The following CAMTA1 variants were observed in gnomAD, a reference collection of about 807,000 sequenced individuals.
CAMTA1 encodes calmodulin-binding transcription activator 1.
Under a neutral mutation model 170.9 loss-of-function variants are expected in CAMTA1, and 27 were observed. The observed-to-expected ratio is 0.16, with a 90% CI of 0.12 to 0.22. The LOEUF (loss-of-function observed/expected upper bound fraction) is 0.22, where lower values mean the gene tolerates loss of function less well. Ranked by LOEUF, CAMTA1 falls within the 10% of genes least tolerant of loss-of-function variation. The pLI is 1.00. For synonymous variants in CAMTA1, 833 were observed against 891.5 expected (o/e 0.93, Z 1.17); for missense variants, 1,619 against 2,217.2 (o/e 0.73, Z 5.42).
At chr1:6,793,945 G>A (rs746254167) in intron 1 of CAMTA1, among the ~76,000 whole-genome samples, 22 of 152,114 alleles carry the variant, frequency 1.4e-4, no homozygotes, top group Non-Finnish European at 3.1e-4. Flanking sequence ...CAAATCATTT[G>A]GGAGTGATAA....
chr1:7,170,034 G>A (rs1016631168), intron 4 of CAMTA1, among the ~76,000 whole-genome samples: 7 of 151,964 alleles, frequency 4.6e-5, no homozygotes, highest in Non-Finnish European at 8.8e-5. Context: ...TGTGAATTCC[G>A]TTTTTATGCT....
intron 4 of CAMTA1, among the ~76,000 whole-genome samples, chr1:7,214,864 T>TTC (rs111845188): frequency 0.64 from 97,167 of 150,712 alleles, 32,147 homozygotes; most frequent in African/African-American, 0.79. Context: ...TCTTTCTTTT[T>TTC]TTTTTTTTTG....
intron 5 of CAMTA1, among the ~76,000 whole-genome samples, chr1:7,266,981 G>A (rs1206152915): frequency 6.6e-6 from 1 of 152,162 alleles, no homozygotes; most frequent in African/African-American, 2.4e-5. Flanking sequence ...GCCACTGATG[G>A]GATCGTAGCA....
intron 1 of CAMTA1, among the ~76,000 whole-genome samples, chr1:6,797,773 G>T (rs934285700): frequency 5.3e-5 from 8 of 151,918 alleles, no homozygotes; most frequent in African/African-American, 1.9e-4. Context: ...GTTCCTTTAG[G>T]TTAAACTAAA....
chr1:7,485,557 C>T (rs1457589472), intron 6 of CAMTA1, among the ~76,000 whole-genome samples: 1 of 152,212 alleles, frequency 6.6e-6, no homozygotes, highest in Non-Finnish European at 1.5e-5. Context: ...TTGGGGCTGA[C>T]GTTCCTTGCC....
chr1:7,262,665 C>T (rs188070287), intron 5 of CAMTA1, among the ~76,000 whole-genome samples: 1 of 152,336 alleles, frequency 6.6e-6, no homozygotes, highest in Non-Finnish European at 1.5e-5. Context: ...TCTCATCAAA[C>T]TCATTTCCCC....
At chr1:7,630,680 C>CA (rs1224539954) in intron 6 of CAMTA1, among the ~76,000 whole-genome samples, 1 of 152,234 alleles carries the variant, frequency 6.6e-6, no homozygotes, top group Non-Finnish European at 1.5e-5. Flanking sequence ...GTAATGAGGG[C>CA]AGCCATGGGA....
chr1:7,173,039 G>T lies in CAMTA1; in HGVS notation c.303-76452G>T, dbSNP rs1180158071. Among the ~76,000 whole-genome samples, 4 of 152,240 alleles carry T rather than the reference G, an allele frequency of 2.6e-5. No individual in the cohort carries two copies. Among genetic ancestry groups the T allele is most frequent in the Non-Finnish European group, 5.9e-5 (4 of 68,048 alleles). On this transcript the variant is annotated intron_variant, in intron 4 of 22. Coordinates refer to ENST00000303635, the MANE Select transcript of CAMTA1 (RefSeq NM_015215.4). The surrounding 1 kb of genome is among the most constrained non-coding windows in gnomAD (Gnocchi z 5.4). ...CATCCCGTGCTGGAGCGTGGCTGGG[G>T]ACAGGCTGTGCGGGAGGCGCAGGGG...
chr1:6,991,273 G>T (rs1053097571), intron 3 of CAMTA1, among the ~76,000 whole-genome samples: 1 of 152,032 alleles, frequency 6.6e-6, no homozygotes, highest in Non-Finnish European at 1.5e-5. Flanking sequence ...GAATTGTTGG[G>T]TGCTGTGTTT....
At chr1:7,695,648 G>A (rs1289705860) in intron 11 of CAMTA1, among the ~76,000 whole-genome samples, 1 of 152,156 alleles carries the variant, frequency 6.6e-6, no homozygotes, top group Non-Finnish European at 1.5e-5. Flanking sequence ...AGCCAGTGAG[G>A]TGCTGGCCTG....
chr1:7,353,869 T>C (rs1360065368), intron 5 of CAMTA1, among the ~76,000 whole-genome samples: 2 of 152,172 alleles, frequency 1.3e-5, no homozygotes, highest in Non-Finnish European at 2.9e-5. Context: ...GTAGTGAGCA[T>C]AGTACCTAAT....
chr1:7,118,995 GA>G (rs899761935), intron 4 of CAMTA1, among the ~76,000 whole-genome samples: 1 of 152,196 alleles, frequency 6.6e-6, no homozygotes, highest in Non-Finnish European at 1.5e-5. Context: ...TGTGGGATGA[GA>G]AATAATTTGC....
chr1:7,412,712 TC>T (rs1248387137), intron 5 of CAMTA1, among the ~76,000 whole-genome samples: 1 of 152,086 alleles, frequency 6.6e-6, no homozygotes, highest in Admixed American at 6.5e-5. Flanking sequence ...GGTTGCCTGT[TC>T]ACTCTGATGG....
At chr1:7,198,001 C>T (rs1484633616) in intron 4 of CAMTA1, among the ~76,000 whole-genome samples, 1 of 152,028 alleles carries the variant, frequency 6.6e-6, no homozygotes, top group Non-Finnish European at 1.5e-5. Flanking sequence ...GATGCTCTCT[C>T]AGCTGCCCAC....
rs147660104 is a variant in CAMTA1, at chr1:7,037,393, C to T, written c.235-53911C>T. Among the ~76,000 whole-genome samples, 30 of 152,218 alleles carry T rather than the reference C, an allele frequency of 2.0e-4. No individual in the cohort carries two copies. The South Asian group carries it at 2.1e-3, about 11-fold the overall frequency. On this transcript the variant is annotated intron_variant, in intron 3 of 22. Transcript: ENST00000303635. ...GGAGAGGATCCCACTTGAGGTGGCA[C>T]GTTGGCCTTTCCCTGTGCTCCGGCT...
intron 6 of CAMTA1, among the ~76,000 whole-genome samples, chr1:7,615,574 C>G (rs897045848): frequency 6.6e-6 from 1 of 152,230 alleles, no homozygotes; most frequent in Non-Finnish European, 1.5e-5. Context: ...AAAGCCAATG[C>G]TCAGCAGATG....
At chr1:7,598,701 T>C (rs1359604770) in intron 6 of CAMTA1, among the ~76,000 whole-genome samples, 1 of 152,216 alleles carries the variant, frequency 6.6e-6, no homozygotes, top group African/African-American at 2.4e-5. Context: ...ATGATGAGCA[T>C]TTTTTTCATG....
At chr1:6,867,864 G>A (rs750867591) in intron 3 of CAMTA1, among the ~76,000 whole-genome samples, 27 of 151,710 alleles carry the variant, frequency 1.8e-4, no homozygotes, top group East Asian at 1.2e-3. Flanking sequence ...GGAATGCAGC[G>A]AGTGGCACAG....
At chr1:7,610,399 A>T (rs2095515999) in intron 6 of CAMTA1, among the ~76,000 whole-genome samples, 1 of 152,230 alleles carries the variant, frequency 6.6e-6, no homozygotes, top group Non-Finnish European at 1.5e-5. Flanking sequence ...AACATGGGTC[A>T]AATGAAGGGA....
Sources: gnomAD v4.1 joint callset for allele counts (sites outside exome capture counted in the v4.1 genomes callset) on GRCh38, gnomAD v4.1.1 for gene constraint, Gnocchi (gnomAD v3.1) non-coding constraint, MANE v1.5 for transcripts, NCBI Gene and HGNC (gene_info 2026-07-23, HGNC 2026-07-21) for gene names.